KHDRBS2: variants seen among roughly 807,000 people sequenced by gnomAD.
The protein encoded by KHDRBS2 is KH RNA binding domain containing, signal transduction associated 2.
Under a neutral mutation model 44.3 loss-of-function variants are expected in KHDRBS2, and 26 were observed. The observed-to-expected ratio is 0.59, with a 90% CI of 0.43 to 0.81. KHDRBS2 has a LOEUF of 0.81. Ranked by LOEUF, KHDRBS2 falls within the 40% of genes least tolerant of loss-of-function variation. The probability of loss-of-function intolerance (pLI) is 0.00; values close to 1 mark genes in which losing one functional copy is unlikely to be tolerated. For missense variants in KHDRBS2, 476 were observed against 433.1 expected (o/e 1.10, Z -0.88); for synonymous variants, 194 against 151.1 (o/e 1.28, Z -2.08).
chr6:61,584,047 T>C, the KHDRBS2 span, among the ~76,000 whole-genome samples: 4 of 151,742 alleles, frequency 2.6e-5, no homozygotes, highest in African/African-American at 9.7e-5. Flanking sequence ...CTGATATTTA[T>C]ATTCTTTGTA....
chr6:61,575,333 T>C, the KHDRBS2 span, among the ~76,000 whole-genome samples: 2 of 151,998 alleles, frequency 1.3e-5, no homozygotes, highest in East Asian at 1.9e-4. Flanking sequence ...CAAAAGAAGA[T>C]ATACAAATAG....
the KHDRBS2 span, among the ~76,000 whole-genome samples, chr6:61,578,231 A>G: frequency 6.6e-6 from 1 of 152,104 alleles, no homozygotes; most frequent in Admixed American, 6.6e-5. Context: ...GCACCAACCT[A>G]ATAGCTCATT....
chr6:61,558,042 G>A, the KHDRBS2 span, among the ~76,000 whole-genome samples: 1 of 152,036 alleles, frequency 6.6e-6, no homozygotes, highest in South Asian at 2.1e-4. Context: ...TCTGGCTAAA[G>A]AGTTATCAAA....
the KHDRBS2 span, among the ~76,000 whole-genome samples, chr6:61,648,376 C>T: frequency 4.6e-5 from 7 of 152,122 alleles, no homozygotes; most frequent in East Asian, 1.2e-3. Context: ...ATAGTAATAC[C>T]ATCATCATGA....
chr6:61,776,402 G>A (rs2127579327), intron 6 of KHDRBS2, among the ~76,000 whole-genome samples: 1 of 152,014 alleles, frequency 6.6e-6, no homozygotes, highest in South Asian at 2.1e-4. Context: ...TCTGACAAAG[G>A]GCTAATATCC....
the KHDRBS2 span, among the ~76,000 whole-genome samples, chr6:61,600,573 T>C: frequency 6.6e-6 from 1 of 152,070 alleles, no homozygotes; most frequent in Admixed American, 6.6e-5. Flanking sequence ...ACCCAGGAGA[T>C]TAAAAAGCTT....
the KHDRBS2 span, among the ~76,000 whole-genome samples, chr6:61,560,372 C>T: frequency 6.6e-6 from 1 of 152,072 alleles, no homozygotes; most frequent in Non-Finnish European, 1.5e-5. Context: ...GGAAGTTCTG[C>T]TGTTATCCTT....
chr6:61,652,201 C>T, the KHDRBS2 span: 11 of 152,094 alleles, frequency 7.2e-5, no homozygotes, highest in East Asian at 3.9e-4. Context: ...TCTTCACTGT[C>T]GTAGATACAT....
chr6:61,718,389 T>C (rs1771792802), intron 7 of KHDRBS2, among the ~76,000 whole-genome samples: 1 of 152,148 alleles, frequency 6.6e-6, no homozygotes, highest in African/African-American at 2.4e-5. Context: ...TTCATATCAT[T>C]ATTTATATGT....
At chr6:61,984,129 G>A (rs1233580862) in intron 3 of KHDRBS2, among the ~76,000 whole-genome samples, 2 of 152,084 alleles carry the variant, frequency 1.3e-5, no homozygotes, top group South Asian at 2.1e-4. Flanking sequence ...CTTCCATGCT[G>A]TGCTCCAGAA....
intron 1 of KHDRBS2, among the ~76,000 whole-genome samples, chr6:62,230,986 A>C (rs980547611): frequency 2.6e-5 from 4 of 152,222 alleles, no homozygotes; most frequent in African/African-American, 9.7e-5. Context: ...TTAAGTACTA[A>C]GTTTGAACTT....
intron 1 of KHDRBS2, among the ~76,000 whole-genome samples, chr6:62,271,100 G>A (rs1840016677): frequency 6.6e-6 from 1 of 152,014 alleles, no homozygotes; most frequent in Non-Finnish European, 1.5e-5. Flanking sequence ...AGAAAGTTAT[G>A]TTTAACCTTA....
intron 8 of KHDRBS2, among the ~76,000 whole-genome samples, chr6:61,690,300 T>C (rs1767254849): frequency 6.6e-6 from 1 of 151,996 alleles, no homozygotes; most frequent in Non-Finnish European, 1.5e-5. Flanking sequence ...TTTTCATATA[T>C]TCTAAATATA....
At chr6:62,280,363 C>T (rs1387603940) in intron 1 of KHDRBS2, among the ~76,000 whole-genome samples, 1 of 151,970 alleles carries the variant, frequency 6.6e-6, no homozygotes, top group Non-Finnish European at 1.5e-5. Context: ...ATGATGAGGG[C>T]AAGAAACGGT....
chr6:62,019,745 C>A (rs1051108294), intron 3 of KHDRBS2, among the ~76,000 whole-genome samples: 5 of 151,904 alleles, frequency 3.3e-5, no homozygotes, highest in Non-Finnish European at 2.9e-5. Flanking sequence ...ATTTTACTTG[C>A]TTTTCTTTTT....
intron 6 of KHDRBS2, among the ~76,000 whole-genome samples, chr6:61,745,320 G>A (rs548084090): frequency 9.2e-5 from 14 of 152,068 alleles, no homozygotes; most frequent in African/African-American, 2.7e-4. Flanking sequence ...GGTTTCCTTC[G>A]ACTCCCATTT....
At chr6:61,614,580 AT>A in the KHDRBS2 span, among the ~76,000 whole-genome samples, 1 of 152,212 alleles carries the variant, frequency 6.6e-6, no homozygotes, top group Non-Finnish European at 1.5e-5. Context: ...TATCTTGACC[AT>A]TAATGACATT....
At chr6:61,659,266 C>T in the KHDRBS2 span, 1 of 151,664 alleles carries the variant, frequency 6.6e-6, no homozygotes, top group Non-Finnish European at 1.5e-5. Flanking sequence ...TGAGTAAGTC[C>T]CTTTGTCCCC....
In KHDRBS2 at chr6:62,064,678, C is replaced by A. The variant is rs182224902; in HGVS notation, c.220-16684G>T. Among the ~76,000 whole-genome samples, 223 of 152,052 alleles carry A rather than the reference C, an allele frequency of 1.5e-3. 2 individuals are homozygous for A. The highest frequency in any genetic ancestry group is 3.4e-3 in the Middle Eastern group (1 of 294). The stretch of plus-strand genomic sequence containing the variant: ...CGTTAGACCTAAAACCATAAAAACC[C>A]TAGAAGAAAACCTAGGCATTACCAT... On this transcript the variant is annotated intron_variant, in intron 2 of 8. Transcript: ENST00000281156.
Sources: allele counts gnomAD v4.1 joint callset (sites outside exome capture counted in the v4.1 genomes callset), GRCh38; gene constraint gnomAD v4.1.1; transcripts MANE v1.5; gene names NCBI Gene and HGNC (gene_info 2026-07-23, HGNC 2026-07-21).